KCND2: variants seen among roughly 807,000 people sequenced by gnomAD.
The protein encoded by KCND2 is A-type voltage-gated potassium channel KCND2.
KCND2 carries 16 observed loss-of-function variants against 54.4 expected under a neutral mutation model. The observed-to-expected ratio is 0.29, with a 90% CI of 0.20 to 0.45. The LOEUF (loss-of-function observed/expected upper bound fraction) is 0.45, where lower values mean the gene tolerates loss of function less well. Among genes scored for constraint, KCND2 ranks in the 20% least tolerant of loss-of-function variants. The probability of loss-of-function intolerance (pLI) is 1.00; values close to 1 mark genes in which losing one functional copy is unlikely to be tolerated. For missense variants in KCND2, 486 were observed against 824.2 expected (o/e 0.59, Z 5.02); for synonymous variants, 317 against 310.7 (o/e 1.02, Z -0.21).
At chr7:120,465,313 G>T (rs1802350911) in intron 1 of KCND2, among the ~76,000 whole-genome samples, 1 of 152,024 alleles carries the variant, frequency 6.6e-6, no homozygotes, top group African/African-American at 2.4e-5. Flanking sequence ...AAGGCAAAAT[G>T]TGTAATCGGT....
At chr7:120,330,794 G>A (rs537644975) in intron 1 of KCND2, among the ~76,000 whole-genome samples, 9 of 152,052 alleles carry the variant, frequency 5.9e-5, no homozygotes, top group East Asian at 1.9e-4. Context: ...ATTAATATAC[G>A]TAGATGTTTG....
intron 1 of KCND2, among the ~76,000 whole-genome samples, chr7:120,428,209 A>T (rs1801740236): frequency 6.6e-6 from 1 of 152,252 alleles, no homozygotes; most frequent in African/African-American, 2.4e-5. Flanking sequence ...AACCAAGTCA[A>T]CACATAACTA....
chr7:120,358,853 A>G (rs935973395), intron 1 of KCND2, among the ~76,000 whole-genome samples: 1 of 152,216 alleles, frequency 6.6e-6, no homozygotes, highest in Non-Finnish European at 1.5e-5. Context: ...CATACAAGTA[A>G]GTTATGTTTT....
intron 1 of KCND2, among the ~76,000 whole-genome samples, chr7:120,339,701 GCA>G (rs1057169339): frequency 1.3e-5 from 2 of 152,062 alleles, no homozygotes; most frequent in African/African-American, 2.4e-5. Flanking sequence ...ATAGACATGT[GCA>G]CACACACACA....
At chr7:120,509,741 G>A (rs550529457) in intron 1 of KCND2, among the ~76,000 whole-genome samples, 9 of 152,098 alleles carry the variant, frequency 5.9e-5, no homozygotes, top group East Asian at 1.9e-4. Context: ...AGAGTTTTCC[G>A]TTGCAAAATT....
intron 1 of KCND2, among the ~76,000 whole-genome samples, chr7:120,372,515 T>G (rs982190751): frequency 2.0e-5 from 3 of 151,960 alleles, no homozygotes; most frequent in African/African-American, 4.8e-5. Context: ...AACTCAAGTT[T>G]TGTTTTGTTT....
chr7:120,716,715 T>A (rs1025095024), intron 1 of KCND2, among the ~76,000 whole-genome samples: 1 of 152,252 alleles, frequency 6.6e-6, no homozygotes, highest in South Asian at 2.1e-4. Context: ...CTTCTTTAAA[T>A]GTGACTGCTC....
chr7:120,482,571 T>C (rs910994388), intron 1 of KCND2, among the ~76,000 whole-genome samples: 4 of 152,166 alleles, frequency 2.6e-5, no homozygotes, highest in African/African-American at 9.7e-5. Flanking sequence ...AGGTAATTAA[T>C]CCATGAAAAC....
Position 120,675,496 on chromosome 7 carries a change from G to A in KCND2, c.1116-57407G>A, listed in dbSNP as rs1038833804. Among the ~76,000 whole-genome samples the A allele has an allele frequency of 5.4e-4, 82 of 151,828 alleles. 1 individual carries two copies. Among genetic ancestry groups the A allele is most frequent in the Middle Eastern group, 6.8e-3 (2 of 294 alleles). ...TCAAATCTGCCTGCCTGGGCCTCCCGAAGTGCTGGGATTACCAGCGTGAGC... is the reference window on the plus strand; with the variant it reads ...TCAAATCTGCCTGCCTGGGCCTCCCAAAGTGCTGGGATTACCAGCGTGAGC... On this transcript the variant is annotated intron_variant, in intron 1 of 5. Transcript: ENST00000331113.
At chr7:120,527,402 AC>A (rs1384140788) in intron 1 of KCND2, among the ~76,000 whole-genome samples, 1 of 152,152 alleles carries the variant, frequency 6.6e-6, no homozygotes, top group Non-Finnish European at 1.5e-5. Flanking sequence ...AGGACTCCTG[AC>A]TTTCGGTACA....
chr7:120,515,571 G>A (rs978942256), intron 1 of KCND2, among the ~76,000 whole-genome samples: 5 of 151,978 alleles, frequency 3.3e-5, no homozygotes, highest in Admixed American at 2.0e-4. Context: ...TTCCCGTGGA[G>A]CTGAGACCCA....
intron 1 of KCND2, among the ~76,000 whole-genome samples, chr7:120,417,917 A>G (rs1385229801): frequency 3.3e-5 from 5 of 151,886 alleles, no homozygotes; most frequent in Admixed American, 6.6e-5. Context: ...AACAATAGGC[A>G]TTCTAGACTT....
rs765518937 is a variant in KCND2, at chr7:120,576,213, AG to A, written c.1116-156689del. On this transcript the variant is annotated intron_variant, in intron 1 of 5. Coordinates refer to ENST00000331113, the MANE Select transcript of KCND2 (RefSeq NM_012281.3). ...CACAATATTTGAAAAATAATTTTGT[AG>A]TAGCAAAGATGAAAAATTTTTGAAT... 1.1e-4 allele frequency among the ~76,000 whole-genome samples: 17 copies of A among 152,336 alleles called. No individual in the cohort carries two copies. In the East Asian group the frequency reaches 1.7e-3, roughly 16 times the overall value.
intron 1 of KCND2, among the ~76,000 whole-genome samples, chr7:120,677,641 C>T (rs1178018776): frequency 6.6e-6 from 1 of 151,080 alleles, no homozygotes; most frequent in Non-Finnish European, 1.5e-5. Flanking sequence ...TCTGAATATC[C>T]AGAAGATAGA....
At chr7:120,522,530 C>G (rs532533637) in intron 1 of KCND2, among the ~76,000 whole-genome samples, 1 of 152,274 alleles carries the variant, frequency 6.6e-6, no homozygotes, top group East Asian at 1.9e-4. Context: ...CCTCTCTTTT[C>G]TTTTACAAAT....
At chr7:120,550,047 A>G (rs970581698) in intron 1 of KCND2, among the ~76,000 whole-genome samples, 3 of 152,176 alleles carry the variant, frequency 2.0e-5, no homozygotes, top group East Asian at 1.9e-4. Flanking sequence ...CCAATCTCAC[A>G]TGTAGCTGGA....
At chr7:120,736,996 T>C (rs1314494907) in intron 2 of KCND2, among the ~76,000 whole-genome samples, 4 of 146,822 alleles carry the variant, frequency 2.7e-5, no homozygotes, top group Admixed American at 6.9e-5. Flanking sequence ...GCTAGGGTGG[T>C]TTTCAAACTT....
intron 1 of KCND2, among the ~76,000 whole-genome samples, chr7:120,282,838 C>T (rs1290511896): frequency 6.6e-6 from 1 of 152,130 alleles, no homozygotes; most frequent in Non-Finnish European, 1.5e-5. Flanking sequence ...TTCAATTCAA[C>T]ATAATAGACC....
chr7:120,667,741 G>A (rs984751739), intron 1 of KCND2, among the ~76,000 whole-genome samples: 1 of 151,996 alleles, frequency 6.6e-6, no homozygotes, highest in Non-Finnish European at 1.5e-5. Flanking sequence ...CTACTCAGTA[G>A]ACAAAAATAT....
Sources: gnomAD v4.1 joint callset for allele counts (sites outside exome capture counted in the v4.1 genomes callset) on GRCh38, gnomAD v4.1.1 for gene constraint, MANE v1.5 for transcripts, NCBI Gene and HGNC (gene_info 2026-07-23, HGNC 2026-07-21) for gene names.